The following NCOA2 variants were observed in gnomAD, a reference collection of about 807,000 sequenced individuals.
NCOA2 encodes the protein class E basic helix-loop-helix protein 75.
A neutral mutation model predicts 145.1 loss-of-function variants in NCOA2; 21 were observed. The observed-to-expected ratio is 0.14, with a 90% CI of 0.10 to 0.21. NCOA2 has a LOEUF of 0.21. Among genes scored for constraint, NCOA2 ranks in the 10% least tolerant of loss-of-function variants. The probability of loss-of-function intolerance (pLI) is 1.00; values close to 1 mark genes in which losing one functional copy is unlikely to be tolerated. For synonymous variants in NCOA2, 619 were observed against 637.5 expected (o/e 0.97, Z 0.44); for missense variants, 1,472 against 1,837.6 (o/e 0.80, Z 3.64).
the NCOA2 span, among the ~76,000 whole-genome samples, chr8:70,425,092 T>C: frequency 1.3e-5 from 2 of 152,116 alleles, no homozygotes. Context: ...ATGACAGAAA[T>C]GCATCTTCTA....
At chr8:70,367,839 A>G (rs1446278168) in intron 1 of NCOA2, among the ~76,000 whole-genome samples, 1 of 152,232 alleles carries the variant, frequency 6.6e-6, no homozygotes, top group Admixed American at 6.5e-5. Flanking sequence ...CAACATTTCT[A>G]TGACTCAGTA....
At chr8:70,220,664 C>A (rs1049247142) in intron 2 of NCOA2, among the ~76,000 whole-genome samples, 2 of 152,154 alleles carry the variant, frequency 1.3e-5, no homozygotes, top group Non-Finnish European at 2.9e-5. Context: ...AACCTCAACA[C>A]AATTCAAAAA....
intron 2 of NCOA2, chr8:70,273,877 C>A (rs1435542349): frequency 3.0e-5 from 16 of 530,418 alleles, no homozygotes; most frequent in Non-Finnish European, 3.3e-5. Context: ...CTTCTGAAGA[C>A]AAAACTTGAA....
At chr8:70,301,670 A>AAC in intron 1 of NCOA2, among the ~76,000 whole-genome samples, 1 of 150,842 alleles carries the variant, frequency 6.6e-6, no homozygotes, top group Admixed American at 6.6e-5. Context: ...AAAAAAAAAA[A>AAC]AAAAAAAAAA....
At chr8:70,346,322 G>A (rs1808638260) in intron 1 of NCOA2, among the ~76,000 whole-genome samples, 1 of 152,156 alleles carries the variant, frequency 6.6e-6, no homozygotes, top group South Asian at 2.1e-4. Flanking sequence ...CAGCCACTGG[G>A]TGTAAATATC....
chr8:70,438,001 A>C, the NCOA2 span, among the ~76,000 whole-genome samples: 1 of 152,224 alleles, frequency 6.6e-6, no homozygotes, highest in Non-Finnish European at 1.5e-5. Flanking sequence ...ATAGCTTGAA[A>C]TATTATAATT....
chr8:70,403,650 GCCGCCCGCCCC>G (rs910395081), intron 1 of NCOA2, 39 bp downstream of exon 1: 44 of 359,862 alleles, frequency 1.2e-4, no homozygotes, highest in African/African-American at 2.8e-4. Flanking sequence ...CCCCCCGCCT[GCCGCCCGCCCC>G]CCGCCCGCCC....
intron 1 of NCOA2, among the ~76,000 whole-genome samples, chr8:70,355,603 G>A (rs912618324): frequency 1.1e-4 from 16 of 148,946 alleles, no homozygotes; most frequent in African/African-American, 1.5e-4. Context: ...TTCTCTCATC[G>A]GCTATCGTGT....
At chr8:70,258,853 C>T (rs1287811515) in intron 2 of NCOA2, among the ~76,000 whole-genome samples, 1 of 152,194 alleles carries the variant, frequency 6.6e-6, no homozygotes, top group African/African-American at 2.4e-5. Flanking sequence ...TAGTTCTTAA[C>T]ATATAGTAGG....
intron 14 of NCOA2, among the ~76,000 whole-genome samples, chr8:70,139,670 TGAG>T (rs1373047850): frequency 9.9e-5 from 14 of 141,766 alleles, no homozygotes; most frequent in African/African-American, 3.3e-4. Context: ...TTTTTTTTTT[TGAG>T]GAGGAGTCTC....
intron 4 of NCOA2, among the ~76,000 whole-genome samples, chr8:70,181,723 T>C (rs1366881908): frequency 1.3e-5 from 2 of 152,252 alleles, no homozygotes; most frequent in Non-Finnish European, 2.9e-5. Flanking sequence ...AATTTTTCAG[T>C]AGACTGACGT....
chr8:70,275,319 T>C (rs539528955), intron 2 of NCOA2, among the ~76,000 whole-genome samples: 66 of 152,266 alleles, frequency 4.3e-4, no homozygotes, highest in Middle Eastern at 3.4e-3. Context: ...GAGTAGAATA[T>C]AGTCCTTAAA....
chr8:70,389,383 C>T (rs182163881), intron 1 of NCOA2, among the ~76,000 whole-genome samples: 3 of 152,026 alleles, frequency 2.0e-5, no homozygotes, highest in Admixed American at 6.6e-5. Flanking sequence ...GGGGTTCAAG[C>T]GATTCTCCTG....
intron 2 of NCOA2, among the ~76,000 whole-genome samples, chr8:70,280,850 T>G (rs1825816484): frequency 6.6e-6 from 1 of 152,076 alleles, no homozygotes; most frequent in South Asian, 2.1e-4. Context: ...TCCAAAAGAA[T>G]GACTTTGCAT....
At chr8:70,433,006 T>G in the NCOA2 span, among the ~76,000 whole-genome samples, 29 of 152,178 alleles carry the variant, frequency 1.9e-4, no homozygotes, top group African/African-American at 6.8e-4. Context: ...CAAACCAGTT[T>G]TAGCAATAAC....
chr8:70,324,093 T>G (rs1197195112), intron 1 of NCOA2, among the ~76,000 whole-genome samples: 1 of 152,184 alleles, frequency 6.6e-6, no homozygotes, highest in African/African-American at 2.4e-5. Context: ...GACATGTATA[T>G]GCCTAGGATA....
chr8:70,310,474 T>G (rs1317890049), intron 1 of NCOA2, among the ~76,000 whole-genome samples: 2 of 152,140 alleles, frequency 1.3e-5, no homozygotes, highest in African/African-American at 4.8e-5. Flanking sequence ...TAAACACACT[T>G]TAGTTAACTA....
At chr8:70,404,092 G>T (rs1216387229), upstream of NCOA2, among the ~76,000 whole-genome samples, 1 of 152,214 alleles carries the variant, frequency 6.6e-6, no homozygotes, top group South Asian at 2.1e-4. Context: ...CCCTGGCCGC[G>T]GGGTCCGCAG....
intron 4 of NCOA2, 45 bp from the exon 5 acceptor site, chr8:70,174,904 G>A: frequency 6.6e-7 from 1 of 1,511,750 alleles, no homozygotes; most frequent in South Asian, 1.1e-5. Flanking sequence ...GCTATTTCAA[G>A]GACAGAGTGA....
Sources: gnomAD v4.1 joint callset for allele counts (sites outside exome capture counted in the v4.1 genomes callset) on GRCh38, gnomAD v4.1.1 for gene constraint, MANE v1.5 for transcripts, NCBI Gene and HGNC (gene_info 2026-07-23, HGNC 2026-07-21) for gene names.